Variants in FAAH2 observed in about 807,000 individuals in gnomAD.
FAAH2 encodes the protein fatty acid amide hydrolase 2, also known as fatty-acid amide hydrolase 2.
A neutral mutation model predicts 36.9 loss-of-function variants in FAAH2; 60 were observed. The observed-to-expected ratio is 1.63, with a 90% CI of 1.32 to 2.02. FAAH2 has a LOEUF of 2.02. FAAH2 is among the 30% of genes most tolerant of loss of function. The pLI is 0.00. For missense variants in FAAH2, 689 were observed against 397.5 expected (o/e 1.73, Z -6.23); for synonymous variants, 214 against 143.8 (o/e 1.49, Z -3.49).
At chrX:57,347,604 GT>G (rs61323098) in intron 5 of FAAH2, among the ~76,000 whole-genome samples, 12 of 77,872 alleles carry the variant, frequency 1.5e-4, no homozygotes, top group African/African-American at 6.5e-4. Flanking sequence ...GGGATGCTAA[GT>G]TTTTTTTTTT....
In FAAH2 at chrX:57,473,546, G is replaced by A. The variant is rs2057208247; in HGVS notation, c.1424-15211G>A. Among the ~76,000 whole-genome samples, 3 of 111,227 alleles carry A rather than the reference G, an allele frequency of 2.7e-5. No individual in the cohort carries two copies. The Admixed American group carries it at 2.9e-4, about 11-fold the overall frequency. On this transcript the variant is annotated intron_variant, in intron 10 of 10. Coordinates refer to ENST00000374900, the MANE Select transcript of FAAH2 (RefSeq NM_174912.4). The stretch of plus-strand genomic sequence containing the variant: ...GTGTAAATGACTACTACGTCCATTT[G>A]ATCTATAATCCAGTTAAATCTTGTT...
chrX:57,324,055 T>A (rs767119491), intron 3 of FAAH2, among the ~76,000 whole-genome samples: 7 of 111,832 alleles, frequency 6.3e-5, no homozygotes, highest in African/African-American at 1.3e-4. Context: ...AGCTTTCTGC[T>A]TATGGCTAGC....
chrX:57,293,684 C>A (rs1014286165), intron 2 of FAAH2, among the ~76,000 whole-genome samples: 8 of 111,411 alleles, frequency 7.2e-5, no homozygotes, highest in African/African-American at 2.3e-4. Context: ...TTTTCTGTTG[C>A]CTTTTAAAAA....
intron 5 of FAAH2, among the ~76,000 whole-genome samples, chrX:57,356,116 GCAATA>G (rs1480643725): frequency 1.8e-5 from 2 of 110,369 alleles, no homozygotes; most frequent in African/African-American, 6.6e-5. Context: ...TTTCATTCCA[GCAATA>G]CATTTTACAT....
At chrX:57,176,763 AT>A in the FAAH2 span, among the ~76,000 whole-genome samples, 1 of 111,047 alleles carries the variant, frequency 9.0e-6, no homozygotes, top group African/African-American at 3.3e-5. Context: ...TTATAAAGTA[AT>A]TTTTCCCCCT....
chrX:57,376,075 C>A (rs1164347856), intron 5 of FAAH2, among the ~76,000 whole-genome samples: 1 of 111,273 alleles, frequency 9.0e-6, no homozygotes, highest in Non-Finnish European at 1.9e-5. Flanking sequence ...TATTCTGTTT[C>A]ATTATCTTAA....
intron 7 of FAAH2, among the ~76,000 whole-genome samples, chrX:57,415,851 T>C (rs1168163976): frequency 9.0e-6 from 1 of 111,209 alleles, no homozygotes; most frequent in Non-Finnish European, 1.9e-5. Flanking sequence ...TACTATTTTG[T>C]GGGAGTCTAA....
chrX:57,173,027 G>A, the FAAH2 span, among the ~76,000 whole-genome samples: 2 of 111,603 alleles, frequency 1.8e-5, no homozygotes, highest in Non-Finnish European at 3.8e-5. Context: ...CTATGGGGGT[G>A]GAACCCTATC....
intron 7 of FAAH2, among the ~76,000 whole-genome samples, chrX:57,402,382 T>A (rs2055459767): frequency 8.9e-6 from 1 of 112,140 alleles, no homozygotes; most frequent in African/African-American, 3.2e-5. Context: ...AGCCTCCAAA[T>A]TCCACTTGCC....
At chrX:57,401,099 G>T (rs1304627784) in intron 7 of FAAH2, among the ~76,000 whole-genome samples, 1 of 111,384 alleles carries the variant, frequency 9.0e-6, no homozygotes, top group African/African-American at 3.3e-5. Context: ...CTCCAGCCTG[G>T]GCGACAGAGT....
At chrX:57,479,670 T>A (rs921468791) in intron 10 of FAAH2, among the ~76,000 whole-genome samples, 2 of 111,573 alleles carry the variant, frequency 1.8e-5, no homozygotes, top group African/African-American at 6.5e-5. Flanking sequence ...CATCAATACC[T>A]AATTTATTGA....
intron 2 of FAAH2, among the ~76,000 whole-genome samples, chrX:57,301,183 T>C (rs928820778): frequency 3.7e-5 from 4 of 109,193 alleles, no homozygotes; most frequent in Non-Finnish European, 7.6e-5. Flanking sequence ...TGCAGCACTA[T>C]TCACAATAGC....
the FAAH2 span, among the ~76,000 whole-genome samples, chrX:57,150,947 G>A: frequency 8.9e-6 from 1 of 112,019 alleles, no homozygotes; most frequent in Non-Finnish European, 1.9e-5. Flanking sequence ...CTCTTTTAGG[G>A]CAGGCCTGGT....
chrX:57,442,446 G>A (rs750310792), intron 8 of FAAH2, among the ~76,000 whole-genome samples: 1 of 110,062 alleles, frequency 9.1e-6, no homozygotes, highest in South Asian at 3.8e-4. Flanking sequence ...GCTTTTTTTT[G>A]TTTTCCATTT....
Position 57,381,018 on chromosome X carries a change from A to G in FAAH2, c.985A>G (p.Thr329Ala). The G allele has an allele frequency of 8.6e-7, 1 of 1,166,424 alleles. No individual in the cohort carries two copies. Among genetic ancestry groups the G allele is most frequent in the Non-Finnish European group, 1.2e-6 (1 of 863,336 alleles). ...MSKVDQDLIM[T>A]QKKVVVHLET... ...CAAAGTGGACCAAGATCTCATTATG[A>G]CTCAGAAAAAGGTAATTTTAAATAA... The change falls in exon 7 of 11, where the codon ACT (threonine) becomes GCT (alanine). Residue 329 changes from threonine to alanine, a missense_variant. Physicochemically the swap from Thr to Ala is moderately conservative, Grantham distance 58. Transcript: ENST00000374900.
At chrX:57,424,620 C>G (rs1160354244) in intron 7 of FAAH2, among the ~76,000 whole-genome samples, 2 of 111,928 alleles carry the variant, frequency 1.8e-5, no homozygotes. Flanking sequence ...TTAAAACTGT[C>G]TATAACCAAG....
intron 10 of FAAH2, among the ~76,000 whole-genome samples, chrX:57,459,440 G>A (rs576339234): frequency 8.9e-6 from 1 of 112,423 alleles, no homozygotes; most frequent in Non-Finnish European, 1.9e-5. Context: ...ATGGCTCTGA[G>A]GAGAGCAGCA....
At chrX:57,293,765 A>G (rs1384085393) in intron 2 of FAAH2, among the ~76,000 whole-genome samples, 1 of 111,283 alleles carries the variant, frequency 9.0e-6, no homozygotes, top group Non-Finnish European at 1.9e-5. Context: ...TAAAGACCTG[A>G]GAGAAAATCA....
At chrX:57,453,390 A>G (rs762973570) in intron 10 of FAAH2, among the ~76,000 whole-genome samples, 19 of 112,794 alleles carry the variant, frequency 1.7e-4, no homozygotes, top group Non-Finnish European at 2.4e-4. Context: ...CCAGCAGGCC[A>G]TGCCTGCTAG....
Sources: allele counts gnomAD v4.1 joint callset (sites outside exome capture counted in the v4.1 genomes callset), GRCh38; gene constraint gnomAD v4.1.1; transcripts MANE v1.5; gene names NCBI Gene and HGNC (gene_info 2026-07-23, HGNC 2026-07-21).